Variants in RNLS observed in about 807,000 individuals in gnomAD.
RNLS encodes renalase, FAD dependent amine oxidase, also known as renalase.
A neutral mutation model predicts 39.8 loss-of-function variants in RNLS; 39 were observed. The ratio of observed to expected loss-of-function variants is 0.98; its 90% CI spans 0.76 to 1.28. The LOEUF (loss-of-function observed/expected upper bound fraction) is 1.28. RNLS is among the 50% of genes most tolerant of loss of function. The pLI is 0.00. For synonymous variants in RNLS, 147 were observed against 150.7 expected (o/e 0.98, Z 0.18); for missense variants, 410 against 413.3 (o/e 0.99, Z 0.07).
the RNLS span, among the ~76,000 whole-genome samples, chr10:88,185,086 G>A: frequency 1.1e-4 from 16 of 152,090 alleles, no homozygotes; most frequent in Non-Finnish European, 1.9e-4. Flanking sequence ...TGAGGCCGAG[G>A]TTACATAGTA....
intron 4 of RNLS, among the ~76,000 whole-genome samples, chr10:88,404,797 A>C (rs891462643): frequency 6.6e-6 from 1 of 152,078 alleles, no homozygotes; most frequent in Non-Finnish European, 1.5e-5. Flanking sequence ...CTTAGGTATT[A>C]AGTGAAATAC....
intron 6 of RNLS, among the ~76,000 whole-genome samples, chr10:88,287,995 G>C (rs892320405): frequency 2.0e-5 from 3 of 152,096 alleles, no homozygotes; most frequent in Non-Finnish European, 2.9e-5. Flanking sequence ...GCAGACTGGG[G>C]CAATTAAATG....
chr10:88,388,934 A>G (rs1306830740), intron 4 of RNLS, among the ~76,000 whole-genome samples: 4 of 152,200 alleles, frequency 2.6e-5, no homozygotes, highest in African/African-American at 9.6e-5. Context: ...TACATGTTAC[A>G]TAGTACCATG....
intron 4 of RNLS, among the ~76,000 whole-genome samples, chr10:88,488,261 C>A (rs1196554584): frequency 6.6e-6 from 1 of 151,878 alleles, no homozygotes; most frequent in African/African-American, 2.4e-5. Context: ...AAAAAATGAT[C>A]AGAGGCTGGG....
At chr10:88,361,107 A>G (rs1372970586) in intron 5 of RNLS, among the ~76,000 whole-genome samples, 1 of 152,178 alleles carries the variant, frequency 6.6e-6, no homozygotes, top group African/African-American at 2.4e-5. Flanking sequence ...CTATGTCCTC[A>G]CATGGTGTGT....
At chr10:88,545,834 C>T (rs1848278769) in intron 4 of RNLS, among the ~76,000 whole-genome samples, 1 of 152,138 alleles carries the variant, frequency 6.6e-6, no homozygotes, top group African/African-American at 2.4e-5. Flanking sequence ...TAATGCCAGA[C>T]TTGGCTGTTT....
At chr10:88,209,093 CTCT>C in the RNLS span, among the ~76,000 whole-genome samples, 4 of 152,110 alleles carry the variant, frequency 2.6e-5, no homozygotes, top group Admixed American at 6.6e-5. Flanking sequence ...ATATCCGAAA[CTCT>C]TCTTTTTTGC....
At chr10:88,282,023 C>T (rs1008931926), downstream of RNLS, among the ~76,000 whole-genome samples, 1 of 152,140 alleles carries the variant, frequency 6.6e-6, no homozygotes, top group Admixed American at 6.6e-5. Flanking sequence ...TAACCAGCTA[C>T]AGCTGGGTTG....
chr10:88,457,898 C>T (rs775963167), intron 4 of RNLS, among the ~76,000 whole-genome samples: 2 of 152,160 alleles, frequency 1.3e-5, no homozygotes, highest in Non-Finnish European at 2.9e-5. Context: ...GGAGACATGC[C>T]ACCTGTTGGT....
chr10:88,562,930 G>A (rs532399930), intron 4 of RNLS, among the ~76,000 whole-genome samples: 1 of 152,102 alleles, frequency 6.6e-6, no homozygotes, highest in African/African-American at 2.4e-5. Flanking sequence ...CTAAAACCAA[G>A]TAACCATAAA....
At chr10:88,517,406 A>C (rs1846468754) in intron 4 of RNLS, among the ~76,000 whole-genome samples, 1 of 151,934 alleles carries the variant, frequency 6.6e-6, no homozygotes, top group African/African-American at 2.4e-5. Flanking sequence ...TTGGTTGAGA[A>C]CATATCTAAA....
chr10:88,204,542 G>T, the RNLS span, among the ~76,000 whole-genome samples: 138,478 of 152,198 alleles, frequency 0.91, 63,157 homozygotes, highest in Middle Eastern at 0.94. Context: ...GAATTCCAAT[G>T]AACTACATAA....
chr10:88,367,346 CTTCT>C (rs1369743764), intron 4 of RNLS, among the ~76,000 whole-genome samples: 5 of 152,178 alleles, frequency 3.3e-5, no homozygotes, highest in Non-Finnish European at 5.9e-5. Flanking sequence ...TTGTGTCTGG[CTTCT>C]TTCACTCAAT....
In RNLS at chr10:88,388,966, G is replaced by A. The variant is rs532506931; in HGVS notation, c.527-26241C>T. ...CATGCATCAGTGGAGCCATGGATATGAGACACTGTGTTTCCTGTTTGTAAC... is the reference window on the plus strand; with the variant it reads ...CATGCATCAGTGGAGCCATGGATATAAGACACTGTGTTTCCTGTTTGTAAC... On this transcript the variant is annotated intron_variant, in intron 4 of 6. Coordinates refer to ENST00000331772, the MANE Select transcript of RNLS (RefSeq NM_001031709.3). 5.9e-5 allele frequency among the ~76,000 whole-genome samples: 9 copies of A among 152,296 alleles called. 1 individual carries two copies. In the Middle Eastern group the frequency reaches 0.024, roughly 403 times the overall value.
chr10:88,351,958 T>C lies in RNLS; in HGVS notation c.700+10594A>G, dbSNP rs182006511. 2.5e-3 allele frequency among the ~76,000 whole-genome samples: 383 copies of C among 152,338 alleles called. 2 individuals carry two copies. Among genetic ancestry groups the C allele is most frequent in the African/African-American group, 8.8e-3 (364 of 41,566 alleles). On this transcript the variant is annotated intron_variant, in intron 5 of 6. Transcript: ENST00000331772. ...TGGCTTCCTAGTATTTTATTGTCTT[T>C]GAAGCAATTGTGAATGGGATTTCAC...
rs764003438 is a variant in RNLS, at chr10:88,573,004, C to T, written c.425G>A (p.Trp142Ter). Residue 142 changes from tryptophan (W) to a stop codon, truncating the protein, a stop_gained, in exon 4 of 7, where the codon TGG becomes TAG. Coordinates refer to ENST00000331772, the MANE Select transcript of RNLS (RefSeq NM_001031709.3). LOFTEE classifies it high-confidence loss of function. ...GGAGCCTGTTTGTTTGGATACTTCC[C>T]ATTTGTCATCTCTTAGGTTGATCTG... ...VTQINLRDDK[W>*]EVSKQTGSPE... 1.4e-5 allele frequency: 22 copies of T among 1,613,916 alleles called. No homozygotes were observed. The highest frequency in any genetic ancestry group is 1.9e-5 in the Non-Finnish European group (22 of 1,179,952).
chr10:88,326,731 C>T (rs1846640677), intron 5 of RNLS, among the ~76,000 whole-genome samples: 1 of 152,156 alleles, frequency 6.6e-6, no homozygotes, highest in African/African-American at 2.4e-5. Context: ...TTCTAGATCC[C>T]AGAATGGTAG....
At chr10:88,384,341 A>T (rs1402270804) in intron 4 of RNLS, among the ~76,000 whole-genome samples, 1 of 152,246 alleles carries the variant, frequency 6.6e-6, no homozygotes, top group East Asian at 1.9e-4. Flanking sequence ...TAAATGAATT[A>T]ACCATTATTT....
chr10:88,335,216 A>C lies in RNLS; in HGVS notation c.701-20575T>G, dbSNP rs185731009. On this transcript the variant is annotated intron_variant, in intron 5 of 6. Coordinates refer to ENST00000331772, the MANE Select transcript of RNLS (RefSeq NM_001031709.3). ...TTTGATTTGAGCTTTCTTTTCTTTT[A>C]CTTTTTTTTTTTTTTCTTTGCGACA... 2.5e-3 allele frequency among the ~76,000 whole-genome samples: 375 copies of C among 147,122 alleles called. 1 individual carries two copies. Among genetic ancestry groups the C allele is most frequent in the Admixed American group, 4.2e-3 (63 of 14,868 alleles).
Sources: allele counts gnomAD v4.1 joint callset (sites outside exome capture counted in the v4.1 genomes callset), GRCh38; gene constraint gnomAD v4.1.1; transcripts MANE v1.5; gene names NCBI Gene and HGNC (gene_info 2026-07-23, HGNC 2026-07-21).